The following GSG1L variants were observed in gnomAD, a reference collection of about 807,000 sequenced individuals.
The protein encoded by GSG1L is germ cell-specific gene 1-like protein.
GSG1L carries 24 observed loss-of-function variants against 42.1 expected under a neutral mutation model. The observed-to-expected ratio is 0.57, with a 90% confidence interval of 0.41 to 0.80. GSG1L has a LOEUF of 0.80. Ranked by LOEUF, GSG1L falls within the 30% of genes least tolerant of loss-of-function variation. The pLI is 0.00. For synonymous variants in GSG1L, 215 were observed against 203.5 expected (o/e 1.06, Z -0.48); for missense variants, 445 against 472.2 (o/e 0.94, Z 0.53).
At chr16:28,036,063 C>A (rs548778786) in intron 1 of GSG1L, among the ~76,000 whole-genome samples, 1 of 152,142 alleles carries the variant, frequency 6.6e-6, no homozygotes, top group Non-Finnish European at 1.5e-5. Context: ...ATTCTTCCCC[C>A]ACATCCACCC....
intron 4 of GSG1L, among the ~76,000 whole-genome samples, chr16:27,841,743 G>A (rs570967565): frequency 6.6e-6 from 1 of 152,202 alleles, no homozygotes; most frequent in Non-Finnish European, 1.5e-5. Flanking sequence ...CCTTTAATAA[G>A]TCCAGTGGGA....
chr16:28,061,867 G>T (rs539821247), intron 1 of GSG1L, among the ~76,000 whole-genome samples: 1 of 152,176 alleles, frequency 6.6e-6, no homozygotes, highest in Non-Finnish European at 1.5e-5. Context: ...GAGGTGGGGC[G>T]GGGAAGGGCA....
At chr16:27,840,306 G>A (rs1260923749) in intron 4 of GSG1L, among the ~76,000 whole-genome samples, 1 of 152,000 alleles carries the variant, frequency 6.6e-6, no homozygotes, top group Admixed American at 6.5e-5. Context: ...CAAGGTGCTG[G>A]GATTACAGGT....
At chr16:27,860,340 G>A (rs8058415) in intron 3 of GSG1L, among the ~76,000 whole-genome samples, 2 of 152,200 alleles carry the variant, frequency 1.3e-5, no homozygotes, top group Admixed American at 6.5e-5. Flanking sequence ...TGCAGGAGCC[G>A]CATAGTAGGT....
chr16:27,846,671 C>G (rs1050479548), intron 3 of GSG1L, among the ~76,000 whole-genome samples: 1 of 152,114 alleles, frequency 6.6e-6, no homozygotes, highest in Non-Finnish European at 1.5e-5. Flanking sequence ...AAATCTGACC[C>G]TGGCCGGGCA....
intron 1 of GSG1L, among the ~76,000 whole-genome samples, chr16:28,023,653 G>A (rs1042012435): frequency 1.3e-5 from 2 of 152,152 alleles, no homozygotes; most frequent in African/African-American, 4.8e-5. Flanking sequence ...TCTTGGGGAA[G>A]GAAAACAATG....
chr16:27,903,734 G>A (rs1016346402), intron 2 of GSG1L, among the ~76,000 whole-genome samples: 5 of 152,120 alleles, frequency 3.3e-5, no homozygotes, highest in South Asian at 2.1e-4. Context: ...GGGGCTTGGC[G>A]GACAGAGTGC....
At chr16:28,052,706 T>A (rs2086233616) in intron 1 of GSG1L, among the ~76,000 whole-genome samples, 1 of 152,228 alleles carries the variant, frequency 6.6e-6, no homozygotes, top group Non-Finnish European at 1.5e-5. Flanking sequence ...TAGGGTTGTC[T>A]GCAACCTCCC....
chr16:27,841,127 C>T (rs535178104), intron 4 of GSG1L, among the ~76,000 whole-genome samples: 1 of 152,224 alleles, frequency 6.6e-6, no homozygotes, highest in African/African-American at 2.4e-5. Flanking sequence ...TTCAAGAGAC[C>T]CCCATGAGGC....
At chr16:28,007,810 C>A (rs2085662995) in intron 1 of GSG1L, among the ~76,000 whole-genome samples, 1 of 152,018 alleles carries the variant, frequency 6.6e-6, no homozygotes, top group Non-Finnish European at 1.5e-5. Flanking sequence ...GCCACCATGC[C>A]CAGCCTAAAT....
At chr16:27,981,617 G>T (rs1047427068) in intron 1 of GSG1L, among the ~76,000 whole-genome samples, 3 of 152,170 alleles carry the variant, frequency 2.0e-5, no homozygotes, top group Non-Finnish European at 2.9e-5. Flanking sequence ...ATGGTACCAT[G>T]CCTTGATTTC....
intron 2 of GSG1L, among the ~76,000 whole-genome samples, chr16:27,962,120 G>C (rs1043160026): frequency 1.3e-5 from 2 of 152,282 alleles, no homozygotes; most frequent in Admixed American, 1.3e-4. Flanking sequence ...GTAGGCAGGT[G>C]GGGAGGCAGC....
rs983500277 is a variant in GSG1L, at chr16:27,832,616, C to T, written c.663-3660G>A. 3.9e-5 allele frequency among the ~76,000 whole-genome samples: 6 copies of T among 152,312 alleles called. No individual in the cohort carries two copies. The East Asian group carries it at 1.2e-3, about 29-fold the overall frequency. Reference sequence around the variant, plus strand: ...TGTATGAGTTTCTTCACATCCTCACCAGAATTTGGTGGTGTCACTATTTTT... The same window carrying T: ...TGTATGAGTTTCTTCACATCCTCACTAGAATTTGGTGGTGTCACTATTTTT... On this transcript the variant is annotated intron_variant, in intron 4 of 6. Coordinates refer to ENST00000447459, the MANE Select transcript of GSG1L (RefSeq NM_001109763.2).
chr16:27,924,766 C>T (rs994961748), intron 2 of GSG1L, among the ~76,000 whole-genome samples: 2 of 152,272 alleles, frequency 1.3e-5, no homozygotes, highest in African/African-American at 4.8e-5. Flanking sequence ...AATATCACCA[C>T]AGAAAGGGCG....
chr16:27,843,066 G>T (rs776352308), intron 4 of GSG1L, among the ~76,000 whole-genome samples: 9 of 152,284 alleles, frequency 5.9e-5, no homozygotes, highest in Non-Finnish European at 7.4e-5. Context: ...CTGTTGCAAC[G>T]CTGTCTCAGC....
chr16:27,909,337 TTTTC>T (rs774577948), intron 2 of GSG1L, among the ~76,000 whole-genome samples: 32 of 151,932 alleles, frequency 2.1e-4, no homozygotes, highest in African/African-American at 2.7e-4. Flanking sequence ...CTTTCTTTCT[TTTTC>T]TTTCTTTCTT....
At chr16:28,001,819 T>C (rs1366236550) in intron 1 of GSG1L, among the ~76,000 whole-genome samples, 1 of 152,234 alleles carries the variant, frequency 6.6e-6, no homozygotes, top group African/African-American at 2.4e-5. Context: ...GAGTCACCTC[T>C]GCTACGATCA....
intron 2 of GSG1L, among the ~76,000 whole-genome samples, chr16:27,934,861 C>A (rs945566294): frequency 6.6e-6 from 1 of 152,194 alleles, no homozygotes; most frequent in Non-Finnish European, 1.5e-5. Context: ...TAACACCTGG[C>A]TCAGAGCAGG....
At chr16:28,013,639 C>T (rs528879383) in intron 1 of GSG1L, among the ~76,000 whole-genome samples, 1 of 152,164 alleles carries the variant, frequency 6.6e-6, no homozygotes, top group South Asian at 2.1e-4. Flanking sequence ...AAGGAAGATG[C>T]GAAGATGGAC....
Sources: gnomAD v4.1 joint callset for allele counts (sites outside exome capture counted in the v4.1 genomes callset) on GRCh38, gnomAD v4.1.1 for gene constraint, MANE v1.5 for transcripts, NCBI Gene and HGNC (gene_info 2026-07-23, HGNC 2026-07-21) for gene names.